Variants in CHSY3 observed in about 807,000 individuals in gnomAD.
CHSY3 encodes N-acetylgalactosaminyl-proteoglycan 3-beta-glucuronosyltransferase 3.
In CHSY3, 35 loss-of-function variants were observed where a neutral mutation model predicts 67.2. The ratio of observed to expected loss-of-function variants is 0.52; its 90% CI spans 0.40 to 0.69. CHSY3 has a LOEUF of 0.69. CHSY3 is among the 30% of genes least tolerant of loss of function. CHSY3 has a pLI of 0.00. For missense variants in CHSY3, 1,069 were observed against 1,138.5 expected, an observed-to-expected ratio of 0.94 and a Z score of 0.88; for synonymous variants, 474 against 434.7, an observed-to-expected ratio of 1.09 and a Z score of -1.12.
At chr5:130,121,009 C>T (rs951898620) in intron 2 of CHSY3, among the ~76,000 whole-genome samples, 1 of 152,176 alleles carries the variant, frequency 6.6e-6, no homozygotes. Context: ...ATCTGGGGAT[C>T]GGCATCTTTT....
At position 129,976,051 on chromosome 5, in the gene CHSY3, AAAAAT is replaced by A. The variant is rs540364917; in HGVS notation, c.1086+67701_1086+67705del. ...GAAAAATAAATAAAAATAAATAAAT[AAAAAT>A]AAAATAAAACCAGTTTTATTCAAGA... On this transcript the variant is annotated intron_variant, in intron 2 of 2. Transcript: ENST00000305031. 3.4e-3 allele frequency among the ~76,000 whole-genome samples: 511 copies of A among 152,196 alleles called. 1 individual carries two copies. Among genetic ancestry groups the A allele is most frequent in the Non-Finnish European group, 5.7e-3 (387 of 68,006 alleles).
intron 2 of CHSY3, among the ~76,000 whole-genome samples, chr5:130,135,639 G>A (rs1021095066): frequency 1.3e-5 from 2 of 151,926 alleles, no homozygotes; most frequent in Non-Finnish European, 2.9e-5. Context: ...ACAATGAATG[G>A]GTTTCCCTGC....
chr5:130,179,932 G>C (rs1407388821), intron 2 of CHSY3, among the ~76,000 whole-genome samples: 1 of 152,134 alleles, frequency 6.6e-6, no homozygotes, highest in African/African-American at 2.4e-5. Context: ...GATTAAACGT[G>C]CTTCATGAAA....
intron 2 of CHSY3, among the ~76,000 whole-genome samples, chr5:129,959,271 CTCA>C (rs1762264124): frequency 6.6e-6 from 1 of 151,900 alleles, no homozygotes; most frequent in Non-Finnish European, 1.5e-5. Flanking sequence ...GAGAGATGAT[CTCA>C]TCATCATATT....
intron 2 of CHSY3, among the ~76,000 whole-genome samples, chr5:130,146,246 A>G (rs1769071051): frequency 6.6e-6 from 1 of 152,212 alleles, no homozygotes; most frequent in South Asian, 2.1e-4. Context: ...GTGTATATAT[A>G]AACAATGTGA....
intron 2 of CHSY3, among the ~76,000 whole-genome samples, chr5:130,096,955 C>G (rs1580729940): frequency 6.6e-6 from 1 of 152,114 alleles, no homozygotes; most frequent in African/African-American, 2.4e-5. Context: ...GTTTTGTGAT[C>G]TATAATACTT....
chr5:130,156,859 C>G (rs1769387397), intron 2 of CHSY3, among the ~76,000 whole-genome samples: 1 of 152,152 alleles, frequency 6.6e-6, no homozygotes, highest in South Asian at 2.1e-4. Flanking sequence ...CAAGAAAACA[C>G]TTTTTATTGA....
chr5:130,172,180 A>G (rs1165667298), intron 2 of CHSY3, among the ~76,000 whole-genome samples: 1 of 152,200 alleles, frequency 6.6e-6, no homozygotes, highest in African/African-American at 2.4e-5. Context: ...GCTAATCCGG[A>G]AGGAAACATT....
intron 2 of CHSY3, among the ~76,000 whole-genome samples, chr5:130,039,318 CTCTA>C (rs1370499313): frequency 6.6e-6 from 1 of 151,986 alleles, no homozygotes; most frequent in Non-Finnish European, 1.5e-5. Context: ...GAGAACCTGT[CTCTA>C]CAAAAAATAA....
At chr5:130,122,168 T>C (rs1580754542) in intron 2 of CHSY3, among the ~76,000 whole-genome samples, 2 of 152,352 alleles carry the variant, frequency 1.3e-5, no homozygotes, top group South Asian at 4.1e-4. Flanking sequence ...AATATATACA[T>C]ATATACATAC....
intron 2 of CHSY3, among the ~76,000 whole-genome samples, chr5:130,119,621 A>T (rs1290659821): frequency 2.0e-5 from 3 of 152,062 alleles, no homozygotes; most frequent in Non-Finnish European, 2.9e-5. Flanking sequence ...TTCCCTTCAT[A>T]GAGGTTCATT....
chr5:130,040,149 A>G (rs934009515), intron 2 of CHSY3, among the ~76,000 whole-genome samples: 1 of 152,150 alleles, frequency 6.6e-6, no homozygotes, highest in African/African-American at 2.4e-5. Flanking sequence ...CATGTGCAAG[A>G]GCTCTAGTGA....
chr5:130,061,835 C>T (rs1038149622), intron 2 of CHSY3, among the ~76,000 whole-genome samples: 1 of 151,632 alleles, frequency 6.6e-6, no homozygotes, highest in African/African-American at 2.4e-5. Context: ...GAAATGCAAA[C>T]TAAAACCGCA....
chr5:129,994,332 G>A (rs1392225206), intron 2 of CHSY3, among the ~76,000 whole-genome samples: 3 of 152,052 alleles, frequency 2.0e-5, no homozygotes, highest in South Asian at 2.1e-4. Flanking sequence ...CATTCTCCCT[G>A]TCACTTTCAG....
At chr5:130,063,759 A>C (rs1028678817) in intron 2 of CHSY3, among the ~76,000 whole-genome samples, 1 of 152,108 alleles carries the variant, frequency 6.6e-6, no homozygotes, top group Non-Finnish European at 1.5e-5. Context: ...GCCTTCTTGC[A>C]GCATCCTCAC....
chr5:130,030,670 C>A (rs1265718919), intron 2 of CHSY3, among the ~76,000 whole-genome samples: 2 of 152,004 alleles, frequency 1.3e-5, no homozygotes, highest in Non-Finnish European at 2.9e-5. Context: ...ATTCCAATAT[C>A]CATTTTTGGA....
chr5:130,100,350 A>ATTTTTTTT (rs3065055), intron 2 of CHSY3, among the ~76,000 whole-genome samples: 2 of 131,688 alleles, frequency 1.5e-5, no homozygotes, highest in Non-Finnish European at 3.3e-5. Flanking sequence ...ATGCTTGGCT[A>ATTTTTTTT]TTTTTTTTTT....
chr5:130,054,171 T>TC (rs1765455084), intron 2 of CHSY3, among the ~76,000 whole-genome samples: 2 of 152,186 alleles, frequency 1.3e-5, no homozygotes, highest in Non-Finnish European at 2.9e-5. Context: ...GGCTCATTCT[T>TC]CTAATTTGTT....
At chr5:130,147,982 T>C (rs867458637) in intron 2 of CHSY3, among the ~76,000 whole-genome samples, 37 of 152,216 alleles carry the variant, frequency 2.4e-4, no homozygotes, top group African/African-American at 7.7e-4. Flanking sequence ...CATGGTTATT[T>C]TTCCTGATCC....
Sources: gnomAD v4.1 joint callset for allele counts (sites outside exome capture counted in the v4.1 genomes callset) on GRCh38, gnomAD v4.1.1 for gene constraint, MANE v1.5 for transcripts, NCBI Gene and HGNC (gene_info 2026-07-23, HGNC 2026-07-21) for gene names.